FAM171A1: variants seen among roughly 807,000 people sequenced by gnomAD.
The protein encoded by FAM171A1 is family with sequence similarity 171 member A1.
In FAM171A1, 23 loss-of-function variants were observed where a neutral mutation model predicts 74.9. The observed-to-expected ratio is 0.31, with a 90% confidence interval of 0.22 to 0.44. The LOEUF (loss-of-function observed/expected upper bound fraction) is 0.44, where lower values mean the gene tolerates loss of function less well. Among genes scored for constraint, FAM171A1 ranks in the 20% least tolerant of loss-of-function variants. FAM171A1 has a pLI of 1.00. For missense variants in FAM171A1, 1,162 were observed against 1,159.2 expected (o/e 1.00, Z -0.03); for synonymous variants, 527 against 505.7 (o/e 1.04, Z -0.57).
At chr10:15,234,145 C>T (rs1244846267) in intron 5 of FAM171A1, among the ~76,000 whole-genome samples, 7 of 149,994 alleles carry the variant, frequency 4.7e-5, no homozygotes, top group Middle Eastern at 3.4e-3. Context: ...AAACTACATT[C>T]GAAAGGAAAA....
intron 5 of FAM171A1, among the ~76,000 whole-genome samples, chr10:15,242,792 A>T (rs1239406308): frequency 6.7e-6 from 1 of 149,650 alleles, no homozygotes; most frequent in African/African-American, 2.5e-5. Flanking sequence ...CTCCGTCTCA[A>T]AAAAAAAAGG....
chr10:15,322,125 A>G (rs1835494171), intron 1 of FAM171A1, among the ~76,000 whole-genome samples: 1 of 152,122 alleles, frequency 6.6e-6, no homozygotes, highest in Admixed American at 6.6e-5. Flanking sequence ...TATCTTTTAA[A>G]CCCTTTGCAG....
intron 1 of FAM171A1, among the ~76,000 whole-genome samples, chr10:15,295,564 T>A (rs1835151911): frequency 6.6e-6 from 1 of 152,280 alleles, no homozygotes; most frequent in Non-Finnish European, 1.5e-5. Flanking sequence ...TGGCTTCCTC[T>A]TAACCGCTTT....
intron 5 of FAM171A1, among the ~76,000 whole-genome samples, chr10:15,238,218 G>C (rs1362891896): frequency 6.6e-6 from 1 of 152,166 alleles, no homozygotes; most frequent in African/African-American, 2.4e-5. Context: ...TGTGGCTTGT[G>C]ATATATAGAG....
chr10:15,269,116 A>T (rs1834788113), intron 3 of FAM171A1, among the ~76,000 whole-genome samples: 1 of 152,048 alleles, frequency 6.6e-6, no homozygotes, highest in East Asian at 1.9e-4. Flanking sequence ...TTATTTATTT[A>T]TTTATTCACT....
At chr10:15,282,325 A>T (rs1218483870) in intron 2 of FAM171A1, among the ~76,000 whole-genome samples, 1 of 152,220 alleles carries the variant, frequency 6.6e-6, no homozygotes, top group Non-Finnish European at 1.5e-5. Flanking sequence ...TGTGTGTTCG[A>T]TCAGCTTTGT....
At chr10:15,369,313 G>A (rs1289271267) in intron 1 of FAM171A1, among the ~76,000 whole-genome samples, 7 of 149,840 alleles carry the variant, frequency 4.7e-5, no homozygotes, top group Admixed American at 4.6e-4. Context: ...AGTGCAAAAG[G>A]AAAAATTCAA....
chr10:15,324,257 T>C (rs1385700595), intron 1 of FAM171A1, among the ~76,000 whole-genome samples: 2 of 152,126 alleles, frequency 1.3e-5, no homozygotes, highest in African/African-American at 2.4e-5. Flanking sequence ...TTCTCCGTCT[T>C]TTCCTAAAGG....
chr10:15,273,608 A>C (rs1311848753), intron 3 of FAM171A1, among the ~76,000 whole-genome samples: 1 of 152,010 alleles, frequency 6.6e-6, no homozygotes, highest in East Asian at 1.9e-4. Flanking sequence ...AGAGAATTTT[A>C]GACCAATATC....
chr10:15,291,089 A>C (rs953573277), intron 1 of FAM171A1, among the ~76,000 whole-genome samples: 6 of 152,194 alleles, frequency 3.9e-5, no homozygotes, highest in African/African-American at 1.4e-4. Context: ...GGCTCAGGCG[A>C]TCCTCCTGCC....
In FAM171A1 at chr10:15,213,803, G is replaced by T. The variant is rs184909061; in HGVS notation, c.1785C>A (p.Ser595=). 3.5e-5 allele frequency: 57 copies of T among 1,614,198 alleles called. No individual in the cohort carries two copies. In the Middle Eastern group the frequency reaches 1.2e-3, roughly 33 times the overall value. ...AHYMKLPGDH[S]YVSQPLVVPA... ...GGACGACGAGGGGCTGGCTGACATAGGAGTGGTCCCCGGGGAGTTTCATAT... is the reference window on the plus strand; with the variant it reads ...GGACGACGAGGGGCTGGCTGACATATGAGTGGTCCCCGGGGAGTTTCATAT... Residue 595 remains serine, a synonymous_variant, in exon 8 of 8, where the codon TCC becomes TCA. Transcript: ENST00000378116. This position sits in a 1 kb window ranked among gnomAD's most constrained non-coding sequence, Gnocchi z 6.8.
intron 4 of FAM171A1, among the ~76,000 whole-genome samples, chr10:15,253,162 C>A (rs1834531300): frequency 6.6e-6 from 1 of 152,140 alleles, no homozygotes; most frequent in Non-Finnish European, 1.5e-5. Flanking sequence ...TGCCACCACA[C>A]CCAGCTAATT....
At position 15,236,145 on chromosome 10, in the gene FAM171A1, C is replaced by G. The variant is rs545618197; in HGVS notation, c.754+12494G>C. ...AACAATGATGTTTCCAAATATGGAA[C>G]AGCTGGTCAGGTATGGGCCCCGACC... On this transcript the variant is annotated intron_variant, in intron 5 of 7. Transcript: ENST00000378116. 2.0e-5 allele frequency among the ~76,000 whole-genome samples: 3 copies of G among 152,280 alleles called. No homozygotes were observed. The South Asian group carries it at 6.2e-4, about 32-fold the overall frequency.
At chr10:15,243,095 T>C (rs1834383182) in intron 5 of FAM171A1, among the ~76,000 whole-genome samples, 1 of 151,730 alleles carries the variant, frequency 6.6e-6, no homozygotes, top group Admixed American at 6.6e-5. Flanking sequence ...ACAGGGCCGG[T>C]TTCTCCTGGA....
intron 3 of FAM171A1, among the ~76,000 whole-genome samples, chr10:15,272,893 T>C (rs1834845247): frequency 1.3e-5 from 2 of 152,188 alleles, no homozygotes; most frequent in East Asian, 1.9e-4. Flanking sequence ...TTTAAAGCAA[T>C]GTGTAGAGAG....
At chr10:15,285,137 G>A (rs1835020072) in intron 1 of FAM171A1, among the ~76,000 whole-genome samples, 1 of 152,200 alleles carries the variant, frequency 6.6e-6, no homozygotes, top group African/African-American at 2.4e-5. Flanking sequence ...CACAGCTACA[G>A]TGAAGGAGAG....
intron 5 of FAM171A1, among the ~76,000 whole-genome samples, chr10:15,243,573 C>T (rs908296928): frequency 7.2e-5 from 11 of 152,010 alleles, no homozygotes; most frequent in African/African-American, 2.7e-4. Flanking sequence ...GGAAGGCTTC[C>T]TTATATTAGG....
At chr10:15,349,047 T>C (rs905222184) in intron 1 of FAM171A1, among the ~76,000 whole-genome samples, 3 of 152,206 alleles carry the variant, frequency 2.0e-5, no homozygotes, top group African/African-American at 7.2e-5. Flanking sequence ...TGGAAACCAT[T>C]TTTCACATTC....
intron 3 of FAM171A1, among the ~76,000 whole-genome samples, chr10:15,263,741 G>GTCTATCTATCTATCTA (rs55705228): frequency 2.6e-4 from 36 of 140,652 alleles, no homozygotes; most frequent in South Asian, 4.6e-4. Context: ...CTATCTGTCT[G>GTCTATCTATCTATCTA]TCTATCTATC....
Sources: allele counts gnomAD v4.1 joint callset (sites outside exome capture counted in the v4.1 genomes callset), GRCh38; gene constraint gnomAD v4.1.1; non-coding constraint Gnocchi (gnomAD v3.1); transcripts MANE v1.5; gene names NCBI Gene and HGNC (gene_info 2026-07-23, HGNC 2026-07-21).